The following C1orf21 variants were observed in gnomAD, a reference collection of about 807,000 sequenced individuals.
The protein encoded by C1orf21 is chromosome 1 open reading frame 21, also known as uncharacterized protein C1orf21.
C1orf21 carries 3 observed loss-of-function variants against 18.7 expected under a neutral mutation model. That is an observed-to-expected ratio of 0.16 (90% CI 0.07 to 0.42). The LOEUF is 0.42. Ranked by LOEUF, C1orf21 falls within the 10% of genes least tolerant of loss-of-function variation. The pLI is 0.99. For missense variants in C1orf21, 104 were observed against 143.6 expected, an observed-to-expected ratio of 0.72 and a Z score of 1.41; for synonymous variants, 41 against 46.4, an observed-to-expected ratio of 0.88 and a Z score of 0.47.
chr1:184,572,376 T>C (rs1659124975), intron 3 of C1orf21, among the ~76,000 whole-genome samples: 1 of 152,140 alleles, frequency 6.6e-6, no homozygotes, highest in Non-Finnish European at 1.5e-5. Context: ...TGCATATAGG[T>C]AAATGGACCA....
chr1:184,481,635 G>A (rs943643436), intron 2 of C1orf21, among the ~76,000 whole-genome samples: 7 of 152,184 alleles, frequency 4.6e-5, no homozygotes, highest in Non-Finnish European at 7.4e-5. Context: ...ATAAAGCGTC[G>A]TTTAAGGCCT....
chr1:184,569,884 T>C (rs1451867483), intron 3 of C1orf21, among the ~76,000 whole-genome samples: 1 of 152,226 alleles, frequency 6.6e-6, no homozygotes, highest in Non-Finnish European at 1.5e-5. Context: ...CATAGCCATA[T>C]GTCCTAAGCC....
At chr1:184,584,772 T>C (rs1292977138) in intron 3 of C1orf21, among the ~76,000 whole-genome samples, 1 of 152,232 alleles carries the variant, frequency 6.6e-6, no homozygotes, top group African/African-American at 2.4e-5. Context: ...TGCTACAATT[T>C]GGATGAATCT....
intron 3 of C1orf21, among the ~76,000 whole-genome samples, chr1:184,517,329 C>T (rs560434525): frequency 6.6e-6 from 1 of 152,282 alleles, no homozygotes; most frequent in East Asian, 1.9e-4. Flanking sequence ...TGTAGAGCAG[C>T]TAATATAACA....
chr1:184,610,039 G>C (rs1024230406), intron 5 of C1orf21, among the ~76,000 whole-genome samples: 7 of 152,234 alleles, frequency 4.6e-5, no homozygotes, highest in Admixed American at 1.3e-4. Flanking sequence ...CAAAACCCTT[G>C]AACAGTGTTA....
At chr1:184,592,789 G>A (rs1165425052) in intron 4 of C1orf21, among the ~76,000 whole-genome samples, 3 of 152,150 alleles carry the variant, frequency 2.0e-5, no homozygotes, top group South Asian at 2.1e-4. Context: ...CTGTGGAGTC[G>A]CTGCAGCTAT....
intron 3 of C1orf21, among the ~76,000 whole-genome samples, chr1:184,554,780 TAAA>T (rs1658856292): frequency 6.6e-6 from 1 of 152,232 alleles, no homozygotes; most frequent in South Asian, 2.1e-4. Flanking sequence ...GACAGTCTCT[TAAA>T]AATTTCTTAC....
chr1:184,460,553 T>C (rs137903642), intron 1 of C1orf21, among the ~76,000 whole-genome samples: 1 of 152,250 alleles, frequency 6.6e-6, no homozygotes, highest in Non-Finnish European at 1.5e-5. Flanking sequence ...TTCACCTCAC[T>C]AGGGCACGGT....
At chr1:184,490,852 G>A (rs1657806404) in intron 2 of C1orf21, among the ~76,000 whole-genome samples, 4 of 151,912 alleles carry the variant, frequency 2.6e-5, no homozygotes, top group Admixed American at 2.6e-4. Context: ...TCTGGGTGGT[G>A]CTGATTACTA....
At chr1:184,479,446 T>A (rs979208843) in intron 2 of C1orf21, among the ~76,000 whole-genome samples, 1 of 152,190 alleles carries the variant, frequency 6.6e-6, no homozygotes, top group Non-Finnish European at 1.5e-5. Flanking sequence ...AACAATCTTG[T>A]GAAATATGTG....
chr1:184,579,379 G>GTTTTT (rs201010891), intron 3 of C1orf21, among the ~76,000 whole-genome samples: 4 of 71,464 alleles, frequency 5.6e-5, no homozygotes, highest in Non-Finnish European at 7.7e-5. Flanking sequence ...TATAAGCTGG[G>GTTTTT]TTTTTTTTTT....
At chr1:184,396,454 G>A (rs1423456933) in intron 1 of C1orf21, among the ~76,000 whole-genome samples, 2 of 152,140 alleles carry the variant, frequency 1.3e-5, no homozygotes, top group South Asian at 2.1e-4. Context: ...ATAGAGTAAA[G>A]GATAATTGTA....
At chr1:184,597,919 G>A (rs1317957411) in intron 4 of C1orf21, among the ~76,000 whole-genome samples, 1 of 152,140 alleles carries the variant, frequency 6.6e-6, no homozygotes, top group Non-Finnish European at 1.5e-5. Flanking sequence ...TCATCTGTAT[G>A]TCCTCAGCTT....
chr1:184,540,661 C>T (rs1411215024), intron 3 of C1orf21, among the ~76,000 whole-genome samples: 1 of 152,164 alleles, frequency 6.6e-6, no homozygotes, highest in African/African-American at 2.4e-5. Flanking sequence ...GAACTCCTGA[C>T]CTCAGGTGAT....
chr1:184,559,918 A>G (rs1658938412), intron 3 of C1orf21, among the ~76,000 whole-genome samples: 1 of 151,854 alleles, frequency 6.6e-6, no homozygotes. Flanking sequence ...TTGCTGGCTG[A>G]CTTTTGTATT....
At chr1:184,608,798 C>A (rs545294191) in intron 5 of C1orf21, among the ~76,000 whole-genome samples, 1 of 152,288 alleles carries the variant, frequency 6.6e-6, no homozygotes, top group South Asian at 2.1e-4. Context: ...TCTTCCTCTT[C>A]TGGGGTGCAT....
rs191701352 is a variant in C1orf21 at position 184,601,716 on chromosome 1, C to T, written c.327+3255C>T. 6.6e-5 allele frequency among the ~76,000 whole-genome samples: 10 copies of T among 152,212 alleles called. No homozygotes were observed. The East Asian group carries it at 1.7e-3, about 27-fold the overall frequency. ...AGGAGTTCAAGACCAGCCTGGCCAA[C>T]GTGGTGAAACCTCATCTCTACTAAA... On this transcript the variant is annotated intron_variant, in intron 5 of 5. Transcript: ENST00000235307.
chr1:184,522,199 A>G (rs937027153), intron 3 of C1orf21, among the ~76,000 whole-genome samples: 4 of 152,208 alleles, frequency 2.6e-5, no homozygotes, highest in Non-Finnish European at 5.9e-5. Flanking sequence ...AAATATTAAT[A>G]GATATTTGTA....
intron 1 of C1orf21, among the ~76,000 whole-genome samples, chr1:184,437,167 T>C (rs1656871535): frequency 6.6e-6 from 1 of 152,148 alleles, no homozygotes; most frequent in Admixed American, 6.5e-5. Context: ...TTCTCAGTTA[T>C]CTAGCTCCCT....
Sources: gnomAD v4.1 joint callset for allele counts (sites outside exome capture counted in the v4.1 genomes callset) on GRCh38, gnomAD v4.1.1 for gene constraint, MANE v1.5 for transcripts, NCBI Gene and HGNC (gene_info 2026-07-23, HGNC 2026-07-21) for gene names.